Variants in AKIRIN1 observed in about 807,000 individuals in gnomAD.
The protein encoded by AKIRIN1 is akirin 1.
Under a neutral mutation model 25.9 loss-of-function variants are expected in AKIRIN1, and 4 were observed. The observed-to-expected ratio is 0.15, with a 90% confidence interval of 0.08 to 0.35. AKIRIN1 has a LOEUF of 0.35. Among genes scored for constraint, AKIRIN1 ranks in the 10% least tolerant of loss-of-function variants. The pLI, the probability that AKIRIN1 is intolerant of heterozygous loss-of-function variation, is 1.00. For missense variants in AKIRIN1, 243 were observed against 266.1 expected, an observed-to-expected ratio of 0.91 and a Z score of 0.61; for synonymous variants, 125 against 105.1, an observed-to-expected ratio of 1.19 and a Z score of -1.16.
chr1:39,001,835 A>G (rs543272975), intron 3 of AKIRIN1, among the ~76,000 whole-genome samples: 31 of 151,552 alleles, frequency 2.0e-4, no homozygotes, highest in Non-Finnish European at 3.7e-4. Context: ...GTGATACTGT[A>G]CTAAACTCTC....
At chr1:38,991,661 G>T in intron 1 of AKIRIN1, 61 bp downstream of exon 1, 1 of 891,566 alleles carries the variant, frequency 1.1e-6, no homozygotes, top group Non-Finnish European at 1.5e-6. Context: ...TGGGGGGGGT[G>T]GTGGGGGAGG....
At chr1:39,002,375 A>G (rs1643999407) in intron 3 of AKIRIN1, among the ~76,000 whole-genome samples, 2 of 152,194 alleles carry the variant, frequency 1.3e-5, no homozygotes, top group South Asian at 4.1e-4. Context: ...CTGTTGGGTT[A>G]AGCAAAGTTA....
rs556380076 is a variant in AKIRIN1 at position 38,999,013 on chromosome 1, A to C, written c.361+702A>C. 5.3e-5 allele frequency among the ~76,000 whole-genome samples: 8 copies of C among 152,298 alleles called. No homozygotes were observed. In the East Asian group the frequency reaches 1.5e-3, roughly 29 times the overall value. On this transcript the variant is annotated intron_variant, in intron 2 of 4. Coordinates refer to ENST00000432648, the MANE Select transcript of AKIRIN1 (RefSeq NM_024595.3). The stretch of plus-strand genomic sequence containing the variant: ...ATAATTGCAGAAAGCTCTGTTCAAC[A>C]GGGGCTGCTCATTATTGACAAATGG...
At chr1:39,001,992 A>T (rs1340522425) in intron 3 of AKIRIN1, among the ~76,000 whole-genome samples, 1 of 152,246 alleles carries the variant, frequency 6.6e-6, no homozygotes, top group Non-Finnish European at 1.5e-5. Context: ...ATAGTGATTA[A>T]TGATGGCAAC....
intron 1 of AKIRIN1, among the ~76,000 whole-genome samples, chr1:38,993,234 A>G (rs1370549712): frequency 2.6e-5 from 4 of 152,230 alleles, no homozygotes; most frequent in African/African-American, 9.7e-5. Context: ...GTTGTAGTTC[A>G]CATTACAGTA....
chr1:38,993,597 C>T (rs1294736877), intron 1 of AKIRIN1, among the ~76,000 whole-genome samples: 1 of 149,072 alleles, frequency 6.7e-6, no homozygotes, highest in African/African-American at 2.5e-5. Flanking sequence ...CACCATTGCG[C>T]TCCAGCCTGG....
intron 4 of AKIRIN1, 119 bp from the exon 5 acceptor site, chr1:39,003,926 T>TAAGTGGTGAGTCA (rs1553164301): frequency 1.2e-6 from 1 of 806,034 alleles, no homozygotes; most frequent in Non-Finnish European, 2.0e-6. Flanking sequence ...TAGTATCTTT[T>TAAGTGGTGAGTCA]AAGTGGTGAG....
intron 1 of AKIRIN1, among the ~76,000 whole-genome samples, chr1:38,992,914 C>G (rs1643920039): frequency 6.6e-6 from 1 of 152,190 alleles, no homozygotes; most frequent in Non-Finnish European, 1.5e-5. Context: ...AATTCCCCGG[C>G]CATTCAATGT....
chr1:38,993,129 C>A (rs1033679389), intron 1 of AKIRIN1, among the ~76,000 whole-genome samples: 1 of 152,256 alleles, frequency 6.6e-6, no homozygotes, highest in South Asian at 2.1e-4. Context: ...GTTGAAGAAC[C>A]CTCAAGATAG....
chr1:38,992,647 G>T (rs1643915175), intron 1 of AKIRIN1, among the ~76,000 whole-genome samples: 1 of 152,092 alleles, frequency 6.6e-6, no homozygotes, highest in Admixed American at 6.6e-5. Context: ...AGCTAAAGCT[G>T]TCCCAGACTT....
chr1:39,001,282 A>C (rs1293250683), intron 3 of AKIRIN1, among the ~76,000 whole-genome samples, 176 bp downstream of exon 3: 1 of 128,292 alleles, frequency 7.8e-6, no homozygotes, highest in African/African-American at 2.8e-5. Context: ...ATATGGAAGG[A>C]CTTTTTTTTT....
chr1:39,002,282 C>G (rs1035562505), intron 3 of AKIRIN1, among the ~76,000 whole-genome samples: 6 of 152,132 alleles, frequency 3.9e-5, no homozygotes, highest in Non-Finnish European at 7.4e-5. Context: ...ACAACTTTTT[C>G]CTGTAACACT....
intron 1 of AKIRIN1, among the ~76,000 whole-genome samples, chr1:38,994,461 G>C (rs1643931701): frequency 6.6e-6 from 1 of 152,142 alleles, no homozygotes; most frequent in South Asian, 2.1e-4. Flanking sequence ...ATTATGACTT[G>C]AGAGTCTGAG....
chr1:38,999,340 T>C (rs1360694653), intron 2 of AKIRIN1, among the ~76,000 whole-genome samples: 6 of 152,206 alleles, frequency 3.9e-5, no homozygotes, highest in Non-Finnish European at 8.8e-5. Flanking sequence ...GAGATATTGC[T>C]TGATGGGTAA....
intron 1 of AKIRIN1, among the ~76,000 whole-genome samples, chr1:38,996,924 T>G (rs1262737811): frequency 6.6e-6 from 1 of 152,256 alleles, no homozygotes; most frequent in East Asian, 1.9e-4. Context: ...TGAATTCATG[T>G]CAGTTCCTGG....
intron 1 of AKIRIN1, among the ~76,000 whole-genome samples, chr1:38,993,378 A>T (rs1643923345): frequency 6.6e-6 from 1 of 151,888 alleles, no homozygotes; most frequent in African/African-American, 2.4e-5. Flanking sequence ...TGTTTCTACT[A>T]AAAATAGCCG....
rs1419741999 is a variant in AKIRIN1, at chr1:39,000,984, TGAA to T, written c.379_381del (p.Lys127del). On this transcript the variant is annotated inframe_deletion, in exon 3 of 5. Transcript: ENST00000432648. Reference sequence around the variant, plus strand: ...TTCTTTTGGCCAGGTTCCTCATGGATGAAGAAGGACCAGCCCACATTTACCCTC... The same window carrying T: ...TTCTTTTGGCCAGGTTCCTCATGGATGAAGGACCAGCCCACATTTACCCTC... 1.9e-6 allele frequency: 3 copies of T among 1,612,130 alleles called. No individual in the cohort carries two copies. Among genetic ancestry groups the T allele is most frequent in the Non-Finnish European group, 1.7e-6 (2 of 1,179,306 alleles).
Position 38,991,453 on chromosome 1 carries a change from C to A in AKIRIN1, c.73C>A (p.Arg25=), listed in dbSNP as rs970532267. Residue 25 remains arginine (R), a synonymous_variant, in exon 1 of 5, where the codon CGG becomes AGG. Coordinates refer to ENST00000432648, the MANE Select transcript of AKIRIN1 (RefSeq NM_024595.3). ...GCTGCTGAGCCCCGGCTCCCCGAAG[C>A]GGCGGCGCTGCGCCCCTCTGCCCGG... ...AALLSPGSPK[R]RRCAPLPGPT... is the part of the protein sequence containing the mutation. The A allele has an allele frequency of 2.2e-4, 307 of 1,377,566 alleles. No homozygotes were observed. The highest frequency in any genetic ancestry group is 1.0e-3 in the Admixed American group (29 of 28,106). The allele number at this position is 1,377,566 out of a possible 1,614,324, so 85.3% of individuals were successfully genotyped here. A position where few individuals can be genotyped will look rare whatever the true frequency, so the allele number is the denominator to read the frequency against.
intron 2 of AKIRIN1, among the ~76,000 whole-genome samples, chr1:39,000,663 C>CTT (rs796916087): frequency 1.8e-4 from 26 of 144,154 alleles, no homozygotes; most frequent in African/African-American, 6.6e-4. Flanking sequence ...TTTCTTTTTT[C>CTT]TTTTTTTTTT....
Sources: allele counts gnomAD v4.1 joint callset (sites outside exome capture counted in the v4.1 genomes callset), GRCh38; gene constraint gnomAD v4.1.1; transcripts MANE v1.5; gene names NCBI Gene and HGNC (gene_info 2026-07-23, HGNC 2026-07-21).